COL4A4: variants seen among roughly 807,000 people sequenced by gnomAD.
COL4A4 encodes the protein collagen type IV alpha 4 chain.
A neutral mutation model predicts 192.9 loss-of-function variants in COL4A4; 105 were observed. The observed-to-expected ratio is 0.54, with a 90% CI of 0.46 to 0.64. COL4A4 has a LOEUF of 0.64. Among genes scored for constraint, COL4A4 ranks in the 30% least tolerant of loss-of-function variants. COL4A4 has a pLI of 0.00. For synonymous variants in COL4A4, 762 were observed against 769.9 expected (o/e 0.99, Z 0.17); for missense variants, 1,967 against 2,169.3 (o/e 0.91, Z 1.85).
intron 32 of COL4A4, among the ~76,000 whole-genome samples, chr2:227,051,489 C>T (rs985401915): frequency 6.6e-6 from 1 of 152,176 alleles, no homozygotes; most frequent in Non-Finnish European, 1.5e-5. Flanking sequence ...AGATGAGCAC[C>T]TCATGCAGAC....
chr2:227,042,258 G>A lies in COL4A4; in HGVS notation c.3398-3C>T, dbSNP rs747863079. On this transcript the variant is annotated splice_region_variant and splice_polypyrimidine_tract_variant and intron_variant, in intron 36 of 47. Transcript: ENST00000396625. ...CAGCCCAGGCATCCCGTGATCACCT[G>A]AGGATGACAGGGAAGTTTTGCAGAT... 4.5e-5 allele frequency: 71 copies of A among 1,587,060 alleles called. No individual in the cohort carries two copies. Among genetic ancestry groups the A allele is most frequent in the Non-Finnish European group, 6.1e-5 (70 of 1,155,528 alleles).
At chr2:227,093,498 G>A (rs542761823) in intron 20 of COL4A4, among the ~76,000 whole-genome samples, 2 of 151,830 alleles carry the variant, frequency 1.3e-5, no homozygotes, top group South Asian at 4.2e-4. Context: ...CTGATGACTG[G>A]ATGGCTCCAC....
intron 1 of COL4A4, among the ~76,000 whole-genome samples, chr2:227,154,572 CT>C (rs1363076945): frequency 1.3e-5 from 2 of 152,196 alleles, no homozygotes; most frequent in Non-Finnish European, 2.9e-5. Flanking sequence ...AAATAATTTA[CT>C]ACTAACTCAC....
intron 1 of COL4A4, among the ~76,000 whole-genome samples, chr2:227,154,923 G>A (rs1365512669): frequency 6.6e-6 from 1 of 152,062 alleles, no homozygotes; most frequent in East Asian, 1.9e-4. Context: ...CACCTTTTGG[G>A]GTTGACCCTA....
At chr2:227,023,740 G>T (rs1415112031) in intron 43 of COL4A4, among the ~76,000 whole-genome samples, 1 of 152,144 alleles carries the variant, frequency 6.6e-6, no homozygotes, top group South Asian at 2.1e-4. Context: ...TTCGCCAGGC[G>T]CGGTGGCTCA....
rs3765192 is a variant in COL4A4 at position 227,062,820 on chromosome 2, C to T, written c.1988-222G>A. On this transcript the variant is annotated intron_variant, in intron 25 of 47. Coordinates refer to ENST00000396625, the MANE Select transcript of COL4A4 (RefSeq NM_000092.5). The stretch of plus-strand genomic sequence containing the variant: ...TTTCAACTGTCAGAAGAGTTATAAA[C>T]GTAAGAAAAGAAATATATTGATTAT... 0.62 allele frequency among the ~76,000 whole-genome samples: 94,150 copies of T among 151,888 alleles called. 29,425 individuals carry two copies. Among genetic ancestry groups the T allele is most frequent in the South Asian group, 0.74 (3,570 of 4,826 alleles).
chr2:226,969,942 G>A, the COL4A4 span, among the ~76,000 whole-genome samples: 1 of 151,716 alleles, frequency 6.6e-6, no homozygotes, highest in East Asian at 2.0e-4. Flanking sequence ...CTGGTGTACT[G>A]GAATAACACA....
intron 37 of COL4A4, among the ~76,000 whole-genome samples, chr2:227,034,129 C>G (rs1168321354): frequency 6.6e-6 from 1 of 152,256 alleles, no homozygotes; most frequent in East Asian, 1.9e-4. Flanking sequence ...TCTGTGTAAA[C>G]AGACATTACC....
chr2:226,978,224 A>T, the COL4A4 span, among the ~76,000 whole-genome samples: 1 of 152,142 alleles, frequency 6.6e-6, no homozygotes, highest in African/African-American at 2.4e-5. Flanking sequence ...CCTTTTCATG[A>T]TCATCTTTTT....
the COL4A4 span, among the ~76,000 whole-genome samples, chr2:226,979,452 C>T: frequency 1.3e-5 from 2 of 152,188 alleles, no homozygotes; most frequent in African/African-American, 4.8e-5. Flanking sequence ...AGGCTCCTCC[C>T]CCCTGCAAAT....
At chr2:227,138,522 ACTGAGGAGG>A (rs1437726574) in intron 4 of COL4A4, among the ~76,000 whole-genome samples, 2 of 151,948 alleles carry the variant, frequency 1.3e-5, no homozygotes, top group East Asian at 3.9e-4. Flanking sequence ...AGTCCCAGCT[ACTGAGGAGG>A]CTGAGGCAGG....
In COL4A4 at chr2:227,104,071, A is replaced by T. The variant is rs567333535; in HGVS notation, c.736-19T>A. 27 of 1,602,558 alleles carry T rather than the reference A, an allele frequency of 1.7e-5. No individual in the cohort carries two copies. The South Asian group carries it at 2.9e-4, about 17-fold the overall frequency. ...CCTCACCCTTAAAAAAAAAAGCAAGATAATGAAAATTTCATATTAATTTAT... is the reference window on the plus strand; with the variant it reads ...CCTCACCCTTAAAAAAAAAAGCAAGTTAATGAAAATTTCATATTAATTTAT... On this transcript the variant is annotated intron_variant, in intron 12 of 47. Coordinates refer to ENST00000396625, the MANE Select transcript of COL4A4 (RefSeq NM_000092.5).
At chr2:226,973,190 T>A in the COL4A4 span, among the ~76,000 whole-genome samples, 5 of 152,352 alleles carry the variant, frequency 3.3e-5, no homozygotes, top group Middle Eastern at 3.4e-3. Flanking sequence ...GTGTTGATTG[T>A]CCTTAAATGA....
chr2:227,151,723 G>A (rs1209279031), intron 1 of COL4A4, among the ~76,000 whole-genome samples: 1 of 152,182 alleles, frequency 6.6e-6, no homozygotes, highest in Non-Finnish European at 1.5e-5. Flanking sequence ...AGGTCATGAG[G>A]ATTGAGCCCT....
Position 227,146,315 on chromosome 2 carries a change from A to T in COL4A4, c.71+1098T>A, listed in dbSNP as rs1309377574. 3.3e-5 allele frequency among the ~76,000 whole-genome samples: 5 copies of T among 151,702 alleles called. No homozygotes were observed. The South Asian group carries it at 8.3e-4, about 25-fold the overall frequency. ...TTTTTTCTTTAAAAAAAAATCCACA[A>T]TTAAGATTCCTTTCCATTTCTTCCA... On this transcript the variant is annotated intron_variant, in intron 2 of 47. Transcript: ENST00000396625.
chr2:226,991,472 G>T, the COL4A4 span, among the ~76,000 whole-genome samples: 1 of 152,296 alleles, frequency 6.6e-6, no homozygotes, highest in African/African-American at 2.4e-5. Flanking sequence ...GAGCCACCAT[G>T]CCCAGCCCAT....
In COL4A4 at chr2:227,008,736, G is replaced by A. The variant is rs75997764; in HGVS notation, c.4523-432C>T. On this transcript the variant is annotated intron_variant, in intron 46 of 47. Coordinates refer to ENST00000396625, the MANE Select transcript of COL4A4 (RefSeq NM_000092.5). ...AGAGGATTTAGCCAGGCTTGGAGATGGTGGTAGTGACTACTCAAAAGAGAT... is the reference window on the plus strand; with the variant it reads ...AGAGGATTTAGCCAGGCTTGGAGATAGTGGTAGTGACTACTCAAAAGAGAT... 4.1e-3 allele frequency among the ~76,000 whole-genome samples: 632 copies of A among 152,332 alleles called. 3 individuals carry two copies. Among genetic ancestry groups the A allele is most frequent in the African/African-American group, 0.014 (582 of 41,566 alleles).
intron 29 of COL4A4, 41 bp from the exon 30 acceptor site, chr2:227,056,156 C>A: frequency 1.3e-6 from 2 of 1,550,092 alleles, no homozygotes; most frequent in Non-Finnish European, 1.8e-6. Context: ...GAAGGCTGAA[C>A]ACTGGCTTCA....
rs532048347 is a variant in COL4A4, at chr2:227,161,848, G to A, written c.-102+2159C>T. Among the ~76,000 whole-genome samples, 60 of 151,890 alleles carry A rather than the reference G, an allele frequency of 4.0e-4. 1 individual carries two copies. The South Asian group carries it at 7.3e-3, about 18-fold the overall frequency. ...TCAAGGGAGTTCATAGGCTATGCTT[G>A]CCTCCAGCCATTTTAGTACTGAGCT... On this transcript the variant is annotated intron_variant, in intron 1 of 47. Coordinates refer to ENST00000396625, the MANE Select transcript of COL4A4 (RefSeq NM_000092.5).
Sources: allele counts gnomAD v4.1 joint callset (sites outside exome capture counted in the v4.1 genomes callset), GRCh38; gene constraint gnomAD v4.1.1; transcripts MANE v1.5; gene names NCBI Gene and HGNC (gene_info 2026-07-23, HGNC 2026-07-21).